The following PBX3 variants were observed in gnomAD, a reference collection of about 807,000 sequenced individuals.
PBX3 encodes the protein pre-B-cell leukemia transcription factor 3.
Under a neutral mutation model 48.5 loss-of-function variants are expected in PBX3, and 14 were observed. The observed-to-expected ratio is 0.29, with a 90% CI of 0.19 to 0.45. The LOEUF is 0.45. Among genes scored for constraint, PBX3 ranks in the 20% least tolerant of loss-of-function variants. The probability of loss-of-function intolerance (pLI) is 1.00; values close to 1 mark genes in which losing one functional copy is unlikely to be tolerated. For synonymous variants in PBX3, 210 were observed against 200.3 expected, an observed-to-expected ratio of 1.05 and a Z score of -0.41; for missense variants, 386 against 546.7, an observed-to-expected ratio of 0.71 and a Z score of 2.93.
Position 125,792,053 on chromosome 9 carries a change from C to T in PBX3, c.274+43430C>T, listed in dbSNP as rs533841165. On this transcript the variant is annotated intron_variant, in intron 2 of 8. Transcript: ENST00000373489. ...AATACTACACACACACACGCACGCA[C>T]GCACGCACGCACGCACGCACGCATA... Among the ~76,000 whole-genome samples, 483 of 145,728 alleles carry T rather than the reference C, an allele frequency of 3.3e-3. 3 individuals carry two copies. The highest frequency in any genetic ancestry group is 0.012 in the African/African-American group (467 of 38,040).
chr9:125,959,531 G>C (rs1469224608), intron 5 of PBX3, among the ~76,000 whole-genome samples: 1 of 152,208 alleles, frequency 6.6e-6, no homozygotes, highest in Non-Finnish European at 1.5e-5. Context: ...GTTGAAGAAT[G>C]GGAATTCTAT....
intron 1 of PBX3, chr9:125,748,275 G>A: frequency 3.7e-6 from 4 of 1,076,420 alleles, no homozygotes; most frequent in Non-Finnish European, 4.5e-6. Context: ...CCCCCGGGGC[G>A]AGGCTCCCCG....
chr9:125,925,208 T>G (rs1177397719), intron 3 of PBX3, among the ~76,000 whole-genome samples: 1 of 152,228 alleles, frequency 6.6e-6, no homozygotes, highest in Non-Finnish European at 1.5e-5. Flanking sequence ...AATTTTAAAA[T>G]ATATCAAAGA....
intron 5 of PBX3, among the ~76,000 whole-genome samples, chr9:125,946,788 C>G (rs1484391270): frequency 1.3e-5 from 2 of 152,066 alleles, no homozygotes; most frequent in African/African-American, 4.8e-5. Context: ...GAGAATGGGT[C>G]AGAAGCAGTA....
intron 2 of PBX3, among the ~76,000 whole-genome samples, chr9:125,913,146 T>G (rs958747097): frequency 2.6e-5 from 4 of 152,096 alleles, no homozygotes; most frequent in African/African-American, 4.8e-5. Context: ...ATTGATAGTC[T>G]TCTTCTTGTT....
chr9:125,833,899 A>T (rs1839041693), intron 2 of PBX3, among the ~76,000 whole-genome samples: 1 of 152,190 alleles, frequency 6.6e-6, no homozygotes, highest in African/African-American at 2.4e-5. Context: ...AACTATGTTT[A>T]ACTTTTGAGG....
chr9:125,965,751 G>A (rs1842518242), intron 8 of PBX3, 80 bp from the exon 9 acceptor site: 2 of 1,051,762 alleles, frequency 1.9e-6, no homozygotes, highest in South Asian at 1.3e-5. Context: ...CTGCTCTCAT[G>A]TTGTCATCCG....
chr9:125,810,896 A>G (rs1471359050), intron 2 of PBX3, among the ~76,000 whole-genome samples: 1 of 152,168 alleles, frequency 6.6e-6, no homozygotes, highest in Non-Finnish European at 1.5e-5. Flanking sequence ...CTCTGCTCCC[A>G]AGATGCGAGG....
At chr9:125,778,670 T>C (rs1837150087) in intron 2 of PBX3, among the ~76,000 whole-genome samples, 1 of 150,938 alleles carries the variant, frequency 6.6e-6, no homozygotes. Context: ...ACACCTGTGC[T>C]AGAAAGGCAT....
intron 2 of PBX3, among the ~76,000 whole-genome samples, chr9:125,851,266 AT>A: frequency 6.6e-6 from 1 of 152,110 alleles, no homozygotes; most frequent in East Asian, 1.9e-4. Flanking sequence ...AGACACAATA[AT>A]TGCTGTGTTA....
intron 2 of PBX3, among the ~76,000 whole-genome samples, chr9:125,856,863 A>T (rs182001764): frequency 1.3e-5 from 2 of 152,204 alleles, no homozygotes; most frequent in African/African-American, 2.4e-5. Flanking sequence ...GTTTCAATGA[A>T]TTCTTTGCCA....
chr9:125,801,863 T>G (rs2132096484), intron 2 of PBX3, among the ~76,000 whole-genome samples: 1 of 151,544 alleles, frequency 6.6e-6, no homozygotes, highest in Non-Finnish European at 1.5e-5. Context: ...AGTTGCAGAC[T>G]TGGTATGGTT....
At chr9:125,822,942 T>C (rs530349219) in intron 2 of PBX3, among the ~76,000 whole-genome samples, 90 of 151,866 alleles carry the variant, frequency 5.9e-4, no homozygotes, top group Non-Finnish European at 1.1e-3. Context: ...TTATATAACT[T>C]GTGGGGTTTT....
intron 2 of PBX3, among the ~76,000 whole-genome samples, chr9:125,894,487 T>G (rs921788274): frequency 2.6e-5 from 4 of 152,148 alleles, no homozygotes; most frequent in East Asian, 1.9e-4. Context: ...TGTGCCTGTT[T>G]TTTTTGCTCT....
At chr9:125,844,120 A>C (rs1347587721) in intron 2 of PBX3, among the ~76,000 whole-genome samples, 1 of 152,088 alleles carries the variant, frequency 6.6e-6, no homozygotes, top group Non-Finnish European at 1.5e-5. Flanking sequence ...TCTTTTTCTA[A>C]AATAGGTTTT....
chr9:125,845,440 C>T (rs1839403741), intron 2 of PBX3, among the ~76,000 whole-genome samples: 1 of 152,038 alleles, frequency 6.6e-6, no homozygotes, highest in Non-Finnish European at 1.5e-5. Context: ...CAACTCTGTA[C>T]TGTTGTAAGG....
intron 2 of PBX3, among the ~76,000 whole-genome samples, chr9:125,763,518 T>C (rs1292563533): frequency 6.6e-6 from 1 of 152,220 alleles, no homozygotes; most frequent in Non-Finnish European, 1.5e-5. Flanking sequence ...TTCTCATTTC[T>C]TCTTGAAATG....
chr9:125,813,304 C>G (rs890956752), intron 2 of PBX3, among the ~76,000 whole-genome samples: 1 of 151,922 alleles, frequency 6.6e-6, no homozygotes, highest in East Asian at 1.9e-4. Context: ...AAGCCAAACA[C>G]ACATTGGCAT....
In PBX3 at chr9:125,931,888, A is replaced by C. The variant is rs117863683; in HGVS notation, c.707+2043A>C. 1.1e-3 allele frequency among the ~76,000 whole-genome samples: 174 copies of C among 152,342 alleles called. 2 individuals carry two copies. In the East Asian group the frequency reaches 0.022, roughly 19 times the overall value. ...TTTTATTTAAACTAACATTTTAATG[A>C]AAATCTTCATTGATTGAACCTTTTT... On this transcript the variant is annotated intron_variant, in intron 4 of 8. Transcript: ENST00000373489.
Sources: gnomAD v4.1 joint callset for allele counts (sites outside exome capture counted in the v4.1 genomes callset) on GRCh38, gnomAD v4.1.1 for gene constraint, MANE v1.5 for transcripts, NCBI Gene and HGNC (gene_info 2026-07-23, HGNC 2026-07-21) for gene names.